The following PPP3CA variants were observed in gnomAD, a reference collection of about 807,000 sequenced individuals.
The protein encoded by PPP3CA is CAM-PRP catalytic subunit.
In PPP3CA, 14 loss-of-function variants were observed where a neutral mutation model predicts 66.5. That is an observed-to-expected ratio of 0.21 (90% CI 0.14 to 0.33). The LOEUF (loss-of-function observed/expected upper bound fraction) is 0.33, where lower values mean the gene tolerates loss of function less well. Among genes scored for constraint, PPP3CA ranks in the 10% least tolerant of loss-of-function variants. The probability of loss-of-function intolerance (pLI) is 1.00; values close to 1 mark genes in which losing one functional copy is unlikely to be tolerated. For missense variants in PPP3CA, 317 were observed against 639.5 expected (o/e 0.50, Z 5.44); for synonymous variants, 232 against 226.2 (o/e 1.03, Z -0.23).
At chr4:101,309,903 T>G (rs1332307205) in intron 1 of PPP3CA, among the ~76,000 whole-genome samples, 1 of 152,242 alleles carries the variant, frequency 6.6e-6, no homozygotes, top group Non-Finnish European at 1.5e-5. Context: ...AGTACGTATT[T>G]ATCAACGACA....
At chr4:101,082,995 T>G (rs1334798020) in intron 7 of PPP3CA, among the ~76,000 whole-genome samples, 191 bp downstream of exon 7, 2 of 152,186 alleles carry the variant, frequency 1.3e-5, no homozygotes, top group Non-Finnish European at 2.9e-5. Flanking sequence ...CGGGAGACTG[T>G]ACGATACATC....
At chr4:101,241,208 A>G (rs1726297149) in intron 1 of PPP3CA, among the ~76,000 whole-genome samples, 1 of 152,118 alleles carries the variant, frequency 6.6e-6, no homozygotes, top group African/African-American at 2.4e-5. Context: ...TGAAAAGAGA[A>G]GTGACCTAGG....
chr4:101,133,324 C>T (rs61014753), intron 2 of PPP3CA, among the ~76,000 whole-genome samples: 262 of 152,192 alleles, frequency 1.7e-3, no homozygotes, highest in African/African-American at 5.9e-3. Context: ...TGTTGGCTGA[C>T]GACAAGATTG....
chr4:101,054,511 T>C (rs975482211), intron 10 of PPP3CA, among the ~76,000 whole-genome samples: 1 of 152,086 alleles, frequency 6.6e-6, no homozygotes, highest in Non-Finnish European at 1.5e-5. Flanking sequence ...ACATTCATCA[T>C]GGCAAATAAA....
chr4:101,300,713 C>A (rs146622124), intron 1 of PPP3CA, among the ~76,000 whole-genome samples: 6 of 152,142 alleles, frequency 3.9e-5, no homozygotes, highest in African/African-American at 1.2e-4. Flanking sequence ...ACAAGAATCG[C>A]TCTGCCGGGA....
chr4:101,234,994 AC>A (rs1726080579), intron 1 of PPP3CA, among the ~76,000 whole-genome samples: 2 of 151,690 alleles, frequency 1.3e-5, no homozygotes, highest in South Asian at 4.1e-4. Flanking sequence ...GCAAACAGGC[AC>A]TCTTTACAAG....
chr4:101,176,286 C>T (rs190149536), intron 2 of PPP3CA, among the ~76,000 whole-genome samples: 221 of 152,206 alleles, frequency 1.5e-3, no homozygotes, highest in Admixed American at 2.9e-3. Flanking sequence ...TTAGTGTATA[C>T]AAACATTAAA....
chr4:101,293,261 A>C (rs1179683473), intron 1 of PPP3CA, among the ~76,000 whole-genome samples: 2 of 152,080 alleles, frequency 1.3e-5, no homozygotes, highest in Non-Finnish European at 2.9e-5. Flanking sequence ...TTGCTCAATC[A>C]CAGGTAATAA....
chr4:101,134,403 A>C (rs963054802), intron 2 of PPP3CA, among the ~76,000 whole-genome samples: 1 of 152,212 alleles, frequency 6.6e-6, no homozygotes, highest in African/African-American at 2.4e-5. Context: ...AAAAACAAAG[A>C]AGCTCATCAA....
In PPP3CA at chr4:101,320,474, A is replaced by ATGTGTG. The variant is rs978696518; in HGVS notation, c.58+26259_58+26264dup. ...CTCATATGTATGTATGTATGTATGT[A>ATGTGTG]TGTGTGTGTGTGTGTGTATACACAC... On this transcript the variant is annotated intron_variant, in intron 1 of 13. Coordinates refer to ENST00000394854, the MANE Select transcript of PPP3CA (RefSeq NM_000944.5). Among the ~76,000 whole-genome samples, 122 of 129,872 alleles carry ATGTGTG rather than the reference A, an allele frequency of 9.4e-4. 1 individual carries two copies. The highest frequency in any genetic ancestry group is 1.3e-3 in the Non-Finnish European group (83 of 63,580). The allele number at this position is 129,872 out of a possible 152,430, so 85.2% of individuals were successfully genotyped here. A position where few individuals can be genotyped will look rare whatever the true frequency, so the allele number is the denominator to read the frequency against.
chr4:101,329,541 G>A (rs897281515), intron 1 of PPP3CA, among the ~76,000 whole-genome samples: 1 of 152,110 alleles, frequency 6.6e-6, no homozygotes, highest in African/African-American at 2.4e-5. Flanking sequence ...TTTCAATAGG[G>A]ATGAAACAGC....
intron 7 of PPP3CA, among the ~76,000 whole-genome samples, chr4:101,081,716 A>G (rs962377035): frequency 6.6e-6 from 1 of 152,192 alleles, no homozygotes; most frequent in Non-Finnish European, 1.5e-5. Flanking sequence ...AACATTTATA[A>G]TTTTAAAAAC....
At chr4:101,104,469 G>C (rs1730572763) in intron 3 of PPP3CA, among the ~76,000 whole-genome samples, 1 of 148,758 alleles carries the variant, frequency 6.7e-6, no homozygotes, top group Admixed American at 6.7e-5. Flanking sequence ...TTTTTTTCGT[G>C]GTGCTTTGTG....
chr4:101,221,698 T>C (rs1725630261), intron 1 of PPP3CA, among the ~76,000 whole-genome samples: 1 of 151,634 alleles, frequency 6.6e-6, no homozygotes, highest in Non-Finnish European at 1.5e-5. Context: ...GTAAGGCATA[T>C]TCATGGTTCG....
chr4:101,160,289 A>ATAAG (rs1723461677), intron 2 of PPP3CA, among the ~76,000 whole-genome samples: 1 of 152,174 alleles, frequency 6.6e-6, no homozygotes, highest in Admixed American at 6.6e-5. Flanking sequence ...GACCACTGAT[A>ATAAG]TAAGTCATTC....
Position 101,346,871 on chromosome 4 carries a change from C to T in PPP3CA, c.-75G>A. 6.8e-7 allele frequency: 1 copy of T among 1,465,740 alleles called. No individual in the cohort carries two copies. Among genetic ancestry groups the T allele is most frequent in the Non-Finnish European group, 9.2e-7 (1 of 1,085,050 alleles). The allele number at this position is 1,465,740 out of a possible 1,614,324, so 90.8% of individuals were successfully genotyped here. A position where few individuals can be genotyped will look rare whatever the true frequency, so the allele number is the denominator to read the frequency against. On this transcript the variant is annotated 5_prime_UTR_variant, in exon 1 of 14. Coordinates refer to ENST00000394854, the MANE Select transcript of PPP3CA (RefSeq NM_000944.5). ...ACCCCGACCGGACCGGCGGGCCAGA[C>T]ACTCAACGCCGCCGCCGCCGCCGCC...
chr4:101,085,417 T>C (rs1729621483), intron 6 of PPP3CA, among the ~76,000 whole-genome samples: 2 of 152,218 alleles, frequency 1.3e-5, no homozygotes, highest in Non-Finnish European at 2.9e-5. Context: ...CTAAGTTTGA[T>C]ACCCTTATGT....
chr4:101,329,841 G>C (rs1375881863), intron 1 of PPP3CA, among the ~76,000 whole-genome samples: 1 of 151,168 alleles, frequency 6.6e-6, no homozygotes, highest in Non-Finnish European at 1.5e-5. Context: ...TCTTGGCTGA[G>C]ATTGAGATTT....
intron 1 of PPP3CA, among the ~76,000 whole-genome samples, chr4:101,245,952 C>G (rs1042978451): frequency 2.6e-5 from 4 of 152,070 alleles, no homozygotes; most frequent in African/African-American, 9.7e-5. Flanking sequence ...CCCATTGTCA[C>G]TCATTTCTTT....
Sources: allele counts gnomAD v4.1 joint callset (sites outside exome capture counted in the v4.1 genomes callset), GRCh38; gene constraint gnomAD v4.1.1; transcripts MANE v1.5; gene names NCBI Gene and HGNC (gene_info 2026-07-23, HGNC 2026-07-21).